The following PDE1A variants were observed in gnomAD, a reference collection of about 807,000 sequenced individuals.
The protein encoded by PDE1A is phosphodiesterase 1A, also known as dual specificity calcium/calmodulin-dependent 3',5'-cyclic nucleotide phosphodiesterase 1A.
In PDE1A, 35 loss-of-function variants were observed where a neutral mutation model predicts 61.7. The observed-to-expected ratio is 0.57, with a 90% CI of 0.43 to 0.75. The LOEUF (loss-of-function observed/expected upper bound fraction) is 0.75. PDE1A is among the 30% of genes least tolerant of loss of function. PDE1A has a pLI of 0.00. For missense variants in PDE1A, 597 were observed against 630.6 expected, an observed-to-expected ratio of 0.95 and a Z score of 0.57; for synonymous variants, 232 against 213.2, an observed-to-expected ratio of 1.09 and a Z score of -0.77.
At chr2:182,694,881 G>C in the PDE1A span, among the ~76,000 whole-genome samples, 1 of 149,820 alleles carries the variant, frequency 6.7e-6, no homozygotes, top group Non-Finnish European at 1.5e-5. Context: ...AAGAAATAGA[G>C]AAGAAATTAT....
the PDE1A span, among the ~76,000 whole-genome samples, chr2:182,569,414 T>C: frequency 2.0e-5 from 3 of 152,290 alleles, no homozygotes; most frequent in East Asian, 5.8e-4. Flanking sequence ...TATTCAGCTA[T>C]GGTCAACCTG....
the PDE1A span, among the ~76,000 whole-genome samples, chr2:182,643,260 T>C: frequency 6.6e-6 from 1 of 152,146 alleles, no homozygotes; most frequent in Admixed American, 6.5e-5. Flanking sequence ...TGAGGCAGAG[T>C]ATAGTTCTCA....
chr2:182,365,141 T>A (rs1010441553), intron 1 of PDE1A, among the ~76,000 whole-genome samples: 1 of 152,026 alleles, frequency 6.6e-6, no homozygotes, highest in South Asian at 2.1e-4. Context: ...GAGTAGGGTG[T>A]TCATATTCTT....
intron 1 of PDE1A, among the ~76,000 whole-genome samples, chr2:182,344,250 A>C (rs772401198): frequency 3.5e-4 from 54 of 152,192 alleles, no homozygotes; most frequent in Non-Finnish European, 6.5e-4. Flanking sequence ...ACTATAAAAT[A>C]TATGAATATA....
chr2:182,350,223 T>G (rs185121459), intron 1 of PDE1A, among the ~76,000 whole-genome samples: 81 of 152,354 alleles, frequency 5.3e-4, no homozygotes, highest in African/African-American at 1.8e-3. Context: ...TTTGGGAGAT[T>G]AATGTATCTT....
chr2:182,377,792 C>A (rs565542782), intron 1 of PDE1A, among the ~76,000 whole-genome samples: 1 of 151,744 alleles, frequency 6.6e-6, no homozygotes, highest in Admixed American at 6.6e-5. Flanking sequence ...CACACGTCCA[C>A]AAATGGAAAT....
At position 182,304,157 on chromosome 2, in the gene PDE1A, T is replaced by C. The variant is rs551260172; in HGVS notation, c.54-39743A>G. Among the ~76,000 whole-genome samples the C allele has an allele frequency of 6.6e-5, 10 of 152,276 alleles. No individual in the cohort carries two copies. In the East Asian group the frequency reaches 1.9e-3, roughly 29 times the overall value. ...CTCGGACTCCCAAAGTGCTGGATTA[T>C]AGGCGTGAGCCACCATACCCGGCCG... On this transcript the variant is annotated intron_variant, in intron 1 of 13. Transcript: ENST00000351439.
chr2:182,685,843 CAA>C, the PDE1A span, among the ~76,000 whole-genome samples: 1 of 152,212 alleles, frequency 6.6e-6, no homozygotes, highest in Non-Finnish European at 1.5e-5. Context: ...ACTTCCCTAA[CAA>C]AAGTCTCCTC....
chr2:182,544,504 A>T, the PDE1A span, among the ~76,000 whole-genome samples: 2 of 152,334 alleles, frequency 1.3e-5, no homozygotes, highest in East Asian at 3.9e-4. Context: ...GATTTGCGAC[A>T]TACCATCAGC....
the PDE1A span, among the ~76,000 whole-genome samples, chr2:182,650,566 C>T: frequency 1.3e-5 from 2 of 151,958 alleles, no homozygotes; most frequent in Non-Finnish European, 2.9e-5. Context: ...AACCTTATTC[C>T]CCAGAAAGCA....
rs564734105 is a variant in PDE1A at position 182,244,256 on chromosome 2, C to T, written c.168-3964G>A. On this transcript the variant is annotated intron_variant, in intron 2 of 13. Coordinates refer to ENST00000351439, the Ensembl canonical transcript of PDE1A. ...TCTTCTTCAGGGAAATGGATTATGC[C>T]TATCAGAGATCTCTTTTATCTAGTT... is the stretch of plus-strand genomic sequence containing the variant. 5.9e-5 allele frequency among the ~76,000 whole-genome samples: 9 copies of T among 152,196 alleles called. No homozygotes were observed. The South Asian group carries it at 1.7e-3, about 28-fold the overall frequency.
At position 182,347,466 on chromosome 2, in the gene PDE1A, T is replaced by C. The variant is rs141503132; in HGVS notation, c.53+79112A>G. On this transcript the variant is annotated intron_variant, in intron 1 of 13. Coordinates refer to ENST00000351439, the Ensembl canonical transcript of PDE1A. Reference sequence around the variant, plus strand: ...AATATTAATCTACTTGGGTATCCATTTCATTTATTAAAATTATGTTTCCCT... The same window carrying C: ...AATATTAATCTACTTGGGTATCCATCTCATTTATTAAAATTATGTTTCCCT... Among the ~76,000 whole-genome samples, 911 of 152,242 alleles carry C rather than the reference T, an allele frequency of 6.0e-3. 11 individuals carry two copies. The highest frequency in any genetic ancestry group is 0.021 in the African/African-American group (871 of 41,578).
rs1686634098 is a variant in PDE1A, at chr2:182,201,574, A to C, written c.1005-15T>G. ...CTCTGTCAATCCTGTCAAACCAAGG[A>C]CATGCTTATATTATTCAAAACAAAG... On this transcript the variant is annotated splice_polypyrimidine_tract_variant and intron_variant, in intron 9 of 13. Transcript: ENST00000351439. The C allele has an allele frequency of 6.2e-7, 1 of 1,611,002 alleles. No individual in the cohort carries two copies. The highest frequency in any genetic ancestry group is 8.5e-7 in the Non-Finnish European group (1 of 1,179,202).
At chr2:182,267,832 A>T (rs567067843) in intron 1 of PDE1A, among the ~76,000 whole-genome samples, 15 of 152,120 alleles carry the variant, frequency 9.9e-5, no homozygotes, top group Non-Finnish European at 2.2e-4. Context: ...TTTTCAAATG[A>T]TTGTATGTTC....
At chr2:182,393,902 T>C (rs1236668721) in intron 1 of PDE1A, among the ~76,000 whole-genome samples, 4 of 152,182 alleles carry the variant, frequency 2.6e-5, no homozygotes, top group African/African-American at 9.7e-5. Flanking sequence ...TTATCAGCAT[T>C]TTGGTTAAAG....
chr2:182,484,274 A>T (rs989761319), intron 2 of PDE1A, among the ~76,000 whole-genome samples: 2 of 152,164 alleles, frequency 1.3e-5, no homozygotes, highest in South Asian at 4.1e-4. Context: ...AGATACCACA[A>T]GAAAAGAAAA....
chr2:182,168,481 T>C (rs1691813187), intron 13 of PDE1A, among the ~76,000 whole-genome samples: 1 of 152,102 alleles, frequency 6.6e-6, no homozygotes, highest in African/African-American at 2.4e-5. Flanking sequence ...ATTGAAACTT[T>C]TGTGATTCTT....
At chr2:182,233,775 CCACACACACACACA>C (rs4018725) in intron 4 of PDE1A, among the ~76,000 whole-genome samples, 34 of 147,288 alleles carry the variant, frequency 2.3e-4, no homozygotes, top group Admixed American at 7.5e-4. Context: ...CACATGAACA[CCACACACACACACA>C]CACACACACA....
At chr2:182,327,065 T>C (rs1307909096) in intron 1 of PDE1A, among the ~76,000 whole-genome samples, 1 of 152,228 alleles carries the variant, frequency 6.6e-6, no homozygotes, top group Non-Finnish European at 1.5e-5. Context: ...ATTGAATATC[T>C]AGCTGACTAG....
Sources: gnomAD v4.1 joint callset for allele counts (sites outside exome capture counted in the v4.1 genomes callset) on GRCh38, gnomAD v4.1.1 for gene constraint, MANE v1.5 for transcripts, NCBI Gene and HGNC (gene_info 2026-07-23, HGNC 2026-07-21) for gene names.